PLXNA2: variants seen among roughly 807,000 people sequenced by gnomAD.
PLXNA2 encodes plexin-A2.
In PLXNA2, 91 loss-of-function variants were observed where a neutral mutation model predicts 193.5. The ratio of observed to expected loss-of-function variants is 0.47; its 90% CI spans 0.40 to 0.56. The LOEUF (loss-of-function observed/expected upper bound fraction) is 0.56. Among genes scored for constraint, PLXNA2 ranks in the 20% least tolerant of loss-of-function variants. The pLI is 0.00. For synonymous variants in PLXNA2, 997 were observed against 1,027.3 expected (o/e 0.97, Z 0.56); for missense variants, 1,995 against 2,503.2 (o/e 0.80, Z 4.33).
intron 4 of PLXNA2, among the ~76,000 whole-genome samples, chr1:208,133,261 T>G (rs1668213357): frequency 6.6e-6 from 1 of 152,258 alleles, no homozygotes; most frequent in Admixed American, 6.5e-5. Flanking sequence ...ACATCTCTTC[T>G]ACAGCATTGC....
At position 208,030,508 on chromosome 1, in the gene PLXNA2, C is replaced by T. The variant is rs919801004; in HGVS notation, c.5225+1082G>A. On this transcript the variant is annotated intron_variant, in intron 29 of 31. Coordinates refer to ENST00000367033, the MANE Select transcript of PLXNA2 (RefSeq NM_025179.4). ...GGCAAAGTGGACTGTGGGCTCTTAA[C>T]CCCAGGGCCACCCCAGCCTGTTCGT... 13 of 985,292 alleles carry T rather than the reference C, an allele frequency of 1.3e-5. No homozygotes were observed. The African/African-American group carries it at 2.3e-4, about 17-fold the overall frequency. The allele number at this position is 985,292 out of a possible 1,614,324, so 61.0% of individuals were successfully genotyped here.
At chr1:208,119,579 G>T (rs1456384518) in intron 4 of PLXNA2, among the ~76,000 whole-genome samples, 1 of 152,172 alleles carries the variant, frequency 6.6e-6, no homozygotes, top group Non-Finnish European at 1.5e-5. Flanking sequence ...CAAGAGATTG[G>T]CTGAGTTTCT....
At position 208,028,290 on chromosome 1, in the gene PLXNA2, G is replaced by A. The variant is rs1156422222; in HGVS notation, c.5439-131C>T. 5 of 755,226 alleles carry A rather than the reference G, an allele frequency of 6.6e-6. No individual in the cohort carries two copies. In the Admixed American group the frequency reaches 9.0e-5, roughly 14 times the overall value. The allele number at this position is 755,226 out of a possible 1,614,324, so 46.8% of individuals were successfully genotyped here. ...TGCCTCCCTATTTCTCTTCTGATGTGGCTTCCTCTGGCCTCTTGCTTCATG... is the reference window on the plus strand; with the variant it reads ...TGCCTCCCTATTTCTCTTCTGATGTAGCTTCCTCTGGCCTCTTGCTTCATG... On this transcript the variant is annotated intron_variant, in intron 30 of 31. Transcript: ENST00000367033. The surrounding 1 kb of genome is among the most constrained non-coding windows in gnomAD (Gnocchi z 4.2).
chr1:208,034,498 C>T lies in PLXNA2; in HGVS notation c.4859G>A (p.Arg1620Lys). Residue 1620 changes from arginine (R) to lysine (K), a missense_variant, in exon 27 of 32, where the codon AGA becomes AAA. Physicochemically the swap from Arg to Lys is conservative, Grantham distance 26. This residue lies in a region of PLXNA2 where 1,291 missense variants were observed against 1,673.6 expected (regional missense o/e 0.77). Transcript: ENST00000367033. ...TCTGCCCTCGTGGTTCTCACCGTAT[C>T]TGCTGATGGACGTCCGGGAGATGCT... ...SASISRTSIS[R>K]YDSSFRYTGS... The T allele has an allele frequency of 6.2e-7, 1 of 1,611,172 alleles. No individual in the cohort carries two copies. Among genetic ancestry groups the T allele is most frequent in the Non-Finnish European group, 8.5e-7 (1 of 1,177,314 alleles).
At chr1:208,187,870 A>G (rs1256023442) in intron 3 of PLXNA2, among the ~76,000 whole-genome samples, 1 of 152,200 alleles carries the variant, frequency 6.6e-6, no homozygotes, top group Admixed American at 6.5e-5. Flanking sequence ...GTGTGCAGTT[A>G]CTGTTGCTTT....
intron 15 of PLXNA2, among the ~76,000 whole-genome samples, chr1:208,051,863 T>C (rs1461647322): frequency 6.6e-6 from 1 of 152,184 alleles, no homozygotes; most frequent in Non-Finnish European, 1.5e-5. Context: ...TGGGTTCTCA[T>C]CCATGGATTC....
intron 9 of PLXNA2, among the ~76,000 whole-genome samples, chr1:208,088,454 G>A (rs907549927): frequency 6.6e-6 from 1 of 152,264 alleles, no homozygotes; most frequent in Non-Finnish European, 1.5e-5. Flanking sequence ...CCCTGGGACA[G>A]GGCATAAAGG....
At chr1:208,115,244 T>A (rs1262745266) in intron 4 of PLXNA2, among the ~76,000 whole-genome samples, 1 of 152,208 alleles carries the variant, frequency 6.6e-6, no homozygotes, top group Non-Finnish European at 1.5e-5. Flanking sequence ...ATTTGATTTA[T>A]CACCAAGTCA....
At chr1:208,154,194 C>T (rs1238752891) in intron 3 of PLXNA2, among the ~76,000 whole-genome samples, 1 of 152,210 alleles carries the variant, frequency 6.6e-6, no homozygotes, top group Non-Finnish European at 1.5e-5. Flanking sequence ...TAACGCCCCA[C>T]AGCTGCTGGG....
intron 11 of PLXNA2, among the ~76,000 whole-genome samples, chr1:208,080,764 T>C (rs998756198): frequency 3.3e-5 from 5 of 152,156 alleles, no homozygotes; most frequent in Non-Finnish European, 2.9e-5. Context: ...TTCATACCCA[T>C]GAGCTCATTT....
Position 208,082,181 on chromosome 1 carries a change from C to G in PLXNA2, c.2395+231G>C, listed in dbSNP as rs191535538. ...AAAGCCTGCAGGAGCCAAAGAATAA[C>G]GTGGATGGGCCGGCGGCCGCCCAGC... is the stretch of plus-strand genomic sequence containing the variant. On this transcript the variant is annotated intron_variant, in intron 11 of 31. Coordinates refer to ENST00000367033, the MANE Select transcript of PLXNA2 (RefSeq NM_025179.4). The surrounding 1 kb of genome is among the most constrained non-coding windows in gnomAD (Gnocchi z 4.2). Among the ~76,000 whole-genome samples the G allele has an allele frequency of 2.6e-5, 4 of 152,288 alleles. No individual in the cohort carries two copies. The highest frequency in any genetic ancestry group is 3.9e-4 in the East Asian group (2 of 5,178).
At chr1:208,204,094 G>T (rs533173510) in intron 3 of PLXNA2, among the ~76,000 whole-genome samples, 1 of 152,204 alleles carries the variant, frequency 6.6e-6, no homozygotes, top group Non-Finnish European at 1.5e-5. Context: ...TTAGGGAAAG[G>T]CAGAAAGAAT....
At chr1:208,099,993 C>T (rs1667041490) in intron 5 of PLXNA2, among the ~76,000 whole-genome samples, 1 of 152,056 alleles carries the variant, frequency 6.6e-6, no homozygotes, top group Non-Finnish European at 1.5e-5. Context: ...GCCTGGGTTC[C>T]AACCTCAGAC....
In PLXNA2 at chr1:208,176,608, G is replaced by A. The variant is rs112089868; in HGVS notation, c.1371+33672C>T. On this transcript the variant is annotated intron_variant, in intron 3 of 31. Coordinates refer to ENST00000367033, the MANE Select transcript of PLXNA2 (RefSeq NM_025179.4). ...ATAGAAAGTGCCAGGGAAAGAGGGT[G>A]ATTTTACCCAGGGACATATAAGTGA... 3.5e-3 allele frequency among the ~76,000 whole-genome samples: 533 copies of A among 152,216 alleles called. 1 individual carries two copies. The highest frequency in any genetic ancestry group is 0.011 in the African/African-American group (475 of 41,518).
At chr1:208,148,595 T>C (rs762464245) in intron 3 of PLXNA2, among the ~76,000 whole-genome samples, 1 of 152,140 alleles carries the variant, frequency 6.6e-6, no homozygotes, top group Non-Finnish European at 1.5e-5. Flanking sequence ...CAATATTGAT[T>C]TATTATGTGC....
intron 1 of PLXNA2, among the ~76,000 whole-genome samples, chr1:208,227,458 A>G (rs1289678415): frequency 1.3e-5 from 2 of 152,172 alleles, no homozygotes; most frequent in African/African-American, 4.8e-5. Context: ...TGCTTTCCCT[A>G]CTATTCTACA....
At chr1:208,124,154 G>A (rs11118989) in intron 4 of PLXNA2, among the ~76,000 whole-genome samples, 43,884 of 151,968 alleles carry the variant, frequency 0.29, 6,744 homozygotes, top group South Asian at 0.4. Flanking sequence ...ACTTACAAGT[G>A]GGAGCTAAAT....
At chr1:208,232,002 G>C (rs1397635089) in intron 1 of PLXNA2, among the ~76,000 whole-genome samples, 2 of 152,230 alleles carry the variant, frequency 1.3e-5, no homozygotes, top group African/African-American at 2.4e-5. Flanking sequence ...GGTCTAAGGA[G>C]CTGTGACTCA....
At chr1:208,087,625 G>A (rs1426537346) in intron 9 of PLXNA2, among the ~76,000 whole-genome samples, 2 of 152,158 alleles carry the variant, frequency 1.3e-5, no homozygotes, top group African/African-American at 4.8e-5. Context: ...ATTCTCTAAG[G>A]CAAAGGAAAG....
Sources: allele counts gnomAD v4.1 joint callset (sites outside exome capture counted in the v4.1 genomes callset), GRCh38; gene constraint gnomAD v4.1.1; regional missense constraint gnomAD v4.1.1; non-coding constraint Gnocchi (gnomAD v3.1); transcripts MANE v1.5; gene names NCBI Gene and HGNC (gene_info 2026-07-23, HGNC 2026-07-21).